Variants in SIM1 observed in about 807,000 individuals in gnomAD.
The protein encoded by SIM1 is SIM bHLH transcription factor 1.
In SIM1, 18 loss-of-function variants were observed where a neutral mutation model predicts 78.2. The observed-to-expected ratio is 0.23, with a 90% CI of 0.16 to 0.34. The LOEUF (loss-of-function observed/expected upper bound fraction) is 0.34, where lower values mean the gene tolerates loss of function less well. Ranked by LOEUF, SIM1 falls within the 10% of genes least tolerant of loss-of-function variation. SIM1 has a pLI of 1.00. For synonymous variants in SIM1, 417 were observed against 385.2 expected (o/e 1.08, Z -0.97); for missense variants, 939 against 975.1 (o/e 0.96, Z 0.49).
At chr6:100,411,980 G>C (rs1427830679) in intron 10 of SIM1, among the ~76,000 whole-genome samples, 2 of 152,136 alleles carry the variant, frequency 1.3e-5, no homozygotes, top group African/African-American at 2.4e-5. Context: ...GTTCAGGTAG[G>C]GGACCAACAA....
In SIM1 at chr6:100,385,425, C is replaced by T. The variant is rs1388306874; in HGVS notation, c.*4936G>A. 1 of 151,800 alleles carries T rather than the reference C, an allele frequency of 6.6e-6. No individual in the cohort carries two copies. The highest frequency in any genetic ancestry group is 6.6e-5 in the Admixed American group (1 of 15,218). 9.4% of individuals were successfully genotyped at this position (151,800 alleles called of 1,614,324 possible). ...AAAAGAAAAAAGACTTACAGTACTT[C>T]CAAAATTTTTTTCCAGGCCAATTTC... On this transcript the variant is annotated 3_prime_UTR_variant, in exon 12 of 12. Transcript: ENST00000369208.
intron 9 of SIM1, among the ~76,000 whole-genome samples, chr6:100,438,073 A>T (rs1038102233): frequency 6.6e-6 from 1 of 152,142 alleles, no homozygotes; most frequent in Non-Finnish European, 1.5e-5. Context: ...CATGGCTATG[A>T]CCCCAAAAGC....
At chr6:100,402,640 C>G (rs952373118) in intron 10 of SIM1, among the ~76,000 whole-genome samples, 4 of 133,594 alleles carry the variant, frequency 3.0e-5, no homozygotes, top group Non-Finnish European at 4.6e-5. Context: ...TGCAGTGGCA[C>G]GATCTCGGCT....
intron 9 of SIM1, among the ~76,000 whole-genome samples, chr6:100,444,678 G>A (rs1280722129): frequency 6.6e-6 from 1 of 152,122 alleles, no homozygotes; most frequent in Admixed American, 6.5e-5. Flanking sequence ...TATATGCCCT[G>A]TTGCAACTGC....
chr6:100,429,727 G>A (rs752891265), intron 9 of SIM1, among the ~76,000 whole-genome samples: 2 of 151,992 alleles, frequency 1.3e-5, no homozygotes, highest in Non-Finnish European at 2.9e-5. Flanking sequence ...TTTATAATCA[G>A]CAAAATATTT....
intron 8 of SIM1, among the ~76,000 whole-genome samples, 198 bp from the exon 9 acceptor site, chr6:100,447,613 C>A (rs1227817703): frequency 6.6e-6 from 1 of 152,200 alleles, no homozygotes; most frequent in Non-Finnish European, 1.5e-5. Flanking sequence ...TCCGGTCACC[C>A]TTCTAGGGAT....
intron 10 of SIM1, among the ~76,000 whole-genome samples, chr6:100,402,708 G>A (rs1023085529): frequency 2.7e-4 from 41 of 151,416 alleles, no homozygotes; most frequent in African/African-American, 8.7e-4. Flanking sequence ...CTCGCGAGTA[G>A]CTGGGACTAC....
chr6:100,390,536 T>C lies in SIM1; in HGVS notation c.2126A>G (p.His709Arg). 1 of 1,614,214 alleles carries C rather than the reference T, an allele frequency of 6.2e-7. No homozygotes were observed. The highest frequency in any genetic ancestry group is 8.5e-7 in the Non-Finnish European group (1 of 1,180,020). ...FGSHRQYFDK[H>R]AYTLTGYALE... Reference sequence around the variant, plus strand: ...GGCATATCCAGTTAATGTGTAAGCATGCTTGTCAAAATACTGCCGGTGAGA... The same window carrying C: ...GGCATATCCAGTTAATGTGTAAGCACGCTTGTCAAAATACTGCCGGTGAGA... Residue 709 changes from histidine (H) to arginine (R), a missense_variant, in exon 12 of 12, where the codon CAT (histidine) becomes CGT (arginine). Physicochemically the swap from His to Arg is conservative, Grantham distance 29. Around this residue, in one of 5 missense-constraint regions of SIM1, gnomAD observed 556 missense variants for 521.9 expected, o/e 1.07. Coordinates refer to ENST00000369208, the MANE Select transcript of SIM1 (RefSeq NM_005068.3).
At chr6:100,400,903 CG>C (rs1486788652) in intron 10 of SIM1, among the ~76,000 whole-genome samples, 4 of 151,678 alleles carry the variant, frequency 2.6e-5, no homozygotes, top group Non-Finnish European at 4.4e-5. Context: ...TGATAAATCT[CG>C]GGGAAAAACT....
rs935801283 is a variant in SIM1, at chr6:100,453,678, T to C, written c.258+84A>G. ...TTGTTTGTTTTTTTTTTGTTTTTGTTTTCTGAGAAACTAAAAGCTCAACTC... is the reference window on the plus strand; with the variant it reads ...TTGTTTGTTTTTTTTTTGTTTTTGTCTTCTGAGAAACTAAAAGCTCAACTC... On this transcript the variant is annotated intron_variant, in intron 3 of 11. Transcript: ENST00000369208. 11 of 1,058,578 alleles carry C rather than the reference T, an allele frequency of 1.0e-5. No individual in the cohort carries two copies. In the Admixed American group the frequency reaches 2.3e-4, roughly 22 times the overall value. 65.6% of individuals were successfully genotyped at this position (1,058,578 alleles called of 1,614,324 possible).
At chr6:100,446,829 T>TA (rs1472812009) in intron 9 of SIM1, among the ~76,000 whole-genome samples, 1 of 152,208 alleles carries the variant, frequency 6.6e-6, no homozygotes, top group African/African-American at 2.4e-5. Flanking sequence ...TCAGAACTCT[T>TA]AACTTTGATT....
intron 9 of SIM1, among the ~76,000 whole-genome samples, chr6:100,439,706 G>C (rs1772155981): frequency 6.6e-6 from 1 of 152,164 alleles, no homozygotes; most frequent in African/African-American, 2.4e-5. Flanking sequence ...TATTGGTAAA[G>C]TTGACAAAAC....
intron 10 of SIM1, among the ~76,000 whole-genome samples, chr6:100,405,366 A>G (rs1771027539): frequency 6.6e-6 from 1 of 152,126 alleles, no homozygotes; most frequent in African/African-American, 2.4e-5. Context: ...ATAAATAATT[A>G]GATGGTAAAT....
chr6:100,461,381 C>G (rs1582330887), intron 2 of SIM1, among the ~76,000 whole-genome samples: 1 of 152,242 alleles, frequency 6.6e-6, no homozygotes, highest in Non-Finnish European at 1.5e-5. Flanking sequence ...ACCAAGCCGA[C>G]TAGCTTCCCT....
Position 100,406,121 on chromosome 6 carries a change from A to T in SIM1, c.1168-12232T>A, listed in dbSNP as rs1771045324. On this transcript the variant is annotated intron_variant, in intron 10 of 11. Transcript: ENST00000369208. ...AATGATTCAGTATATCCCAACTTGG[A>T]TAGATAATGTAGAAATAGTTCTAGC... is the stretch of plus-strand genomic sequence containing the variant. 3.3e-5 allele frequency among the ~76,000 whole-genome samples: 5 copies of T among 152,194 alleles called. No homozygotes were observed. The South Asian group carries it at 1.0e-3, about 32-fold the overall frequency.
intron 3 of SIM1, among the ~76,000 whole-genome samples, chr6:100,452,901 C>A (rs1772551274): frequency 6.6e-6 from 1 of 152,096 alleles, no homozygotes; most frequent in African/African-American, 2.4e-5. Context: ...AAAAGGAGCT[C>A]CTGTCAAGAG....
intron 10 of SIM1, among the ~76,000 whole-genome samples, chr6:100,402,216 A>G (rs992969087): frequency 6.6e-6 from 1 of 152,230 alleles, no homozygotes; most frequent in African/African-American, 2.4e-5. Context: ...TTTCTGCTGT[A>G]GACTATATTG....
chr6:100,397,377 C>T (rs1770793967), intron 10 of SIM1, among the ~76,000 whole-genome samples: 1 of 152,114 alleles, frequency 6.6e-6, no homozygotes. Context: ...GAAAATGTGA[C>T]AAACTTCAAA....
At chr6:100,432,866 T>A (rs1358372346) in intron 9 of SIM1, among the ~76,000 whole-genome samples, 2 of 152,180 alleles carry the variant, frequency 1.3e-5, no homozygotes, top group Admixed American at 6.5e-5. Context: ...AAGCTAAACA[T>A]GTTGTCCACA....
Sources: allele counts gnomAD v4.1 joint callset (sites outside exome capture counted in the v4.1 genomes callset), GRCh38; gene constraint gnomAD v4.1.1; regional missense constraint gnomAD v4.1.1; transcripts MANE v1.5; gene names NCBI Gene and HGNC (gene_info 2026-07-23, HGNC 2026-07-21).